Variants in SGMS1 observed in about 807,000 individuals in gnomAD.
SGMS1 encodes sphingomyelin synthase 1, also known as phosphatidylcholine:ceramide cholinephosphotransferase 1.
SGMS1 carries 13 observed loss-of-function variants against 46.2 expected under a neutral mutation model. The ratio of observed to expected loss-of-function variants is 0.28; its 90% CI spans 0.18 to 0.45. SGMS1 has a LOEUF of 0.45. SGMS1 is among the 20% of genes least tolerant of loss of function. The probability of loss-of-function intolerance (pLI) is 1.00; values close to 1 mark genes in which losing one functional copy is unlikely to be tolerated. For synonymous variants in SGMS1, 203 were observed against 187.8 expected, an observed-to-expected ratio of 1.08 and a Z score of -0.66; for missense variants, 324 against 519.9, an observed-to-expected ratio of 0.62 and a Z score of 3.66.
At chr10:50,364,039 A>G (rs1282877569) in intron 6 of SGMS1, among the ~76,000 whole-genome samples, 1 of 152,112 alleles carries the variant, frequency 6.6e-6, no homozygotes, top group African/African-American at 2.4e-5. Flanking sequence ...AATTTTAAAA[A>G]GAGAGCTCCT....
chr10:50,391,612 T>C (rs1032720876), intron 6 of SGMS1, among the ~76,000 whole-genome samples: 7 of 152,136 alleles, frequency 4.6e-5, no homozygotes, highest in Non-Finnish European at 1.0e-4. Flanking sequence ...AGTTTGGTGA[T>C]TTCTCGAAGA....
At chr10:50,353,245 C>T (rs1486063433) in intron 6 of SGMS1, among the ~76,000 whole-genome samples, 2 of 152,290 alleles carry the variant, frequency 1.3e-5, no homozygotes, top group Non-Finnish European at 2.9e-5. Context: ...CCACCATGAT[C>T]AAGTGGGATT....
chr10:50,344,758 A>G (rs1275064783), intron 6 of SGMS1, among the ~76,000 whole-genome samples: 2 of 151,126 alleles, frequency 1.3e-5, no homozygotes, highest in African/African-American at 4.9e-5. Context: ...AGTCCCAGCT[A>G]CTCCTGCCCA....
chr10:50,345,173 C>G (rs936843826), intron 6 of SGMS1, among the ~76,000 whole-genome samples: 1 of 151,694 alleles, frequency 6.6e-6, no homozygotes, highest in African/African-American at 2.4e-5. Context: ...TGCTTAGGTC[C>G]CAAATAGATA....
chr10:50,499,901 G>A (rs574711497), intron 3 of SGMS1, among the ~76,000 whole-genome samples: 1 of 152,302 alleles, frequency 6.6e-6, no homozygotes, highest in South Asian at 2.1e-4. Context: ...TGGCGCAGTG[G>A]CTCACGCCTG....
chr10:50,386,874 AGC>A (rs1848691287), intron 6 of SGMS1, among the ~76,000 whole-genome samples: 1 of 152,188 alleles, frequency 6.6e-6, no homozygotes, highest in Non-Finnish European at 1.5e-5. Context: ...CTATGACCCG[AGC>A]TTTTTAAAAG....
At chr10:50,342,974 A>G (rs1847844234) in intron 7 of SGMS1, 1 of 153,074 alleles carries the variant, frequency 6.5e-6, no homozygotes, top group African/African-American at 2.4e-5. Flanking sequence ...CCAAAGGCAT[A>G]CCCTTTGGTA....
intron 6 of SGMS1, among the ~76,000 whole-genome samples, chr10:50,350,186 G>A (rs1007631917): frequency 2.0e-5 from 3 of 152,192 alleles, no homozygotes; most frequent in Non-Finnish European, 4.4e-5. Flanking sequence ...GAGACCGGAA[G>A]CATTTTGCCC....
At chr10:50,488,440 A>G (rs1837541178) in intron 3 of SGMS1, among the ~76,000 whole-genome samples, 2 of 152,244 alleles carry the variant, frequency 1.3e-5, no homozygotes, top group African/African-American at 4.8e-5. Flanking sequence ...CGATATGCAT[A>G]TAAATCAGAA....
At chr10:50,591,740 A>T (rs1285383380) in intron 1 of SGMS1, among the ~76,000 whole-genome samples, 1 of 152,234 alleles carries the variant, frequency 6.6e-6, no homozygotes, top group Admixed American at 6.5e-5. Flanking sequence ...TCATTTTTAT[A>T]AAACGCAAAA....
chr10:50,531,482 C>T (rs747317577), intron 2 of SGMS1, among the ~76,000 whole-genome samples: 2 of 152,052 alleles, frequency 1.3e-5, no homozygotes, highest in Non-Finnish European at 2.9e-5. Context: ...ACATAATCAC[C>T]CACAAGCTGG....
At chr10:50,560,773 T>C (rs1838229979) in intron 2 of SGMS1, among the ~76,000 whole-genome samples, 1 of 151,818 alleles carries the variant, frequency 6.6e-6, no homozygotes, top group Non-Finnish European at 1.5e-5. Flanking sequence ...ATAGTATACA[T>C]ATAGTTTTGT....
At chr10:50,434,459 G>A (rs1849447405) in intron 5 of SGMS1, among the ~76,000 whole-genome samples, 1 of 152,122 alleles carries the variant, frequency 6.6e-6, no homozygotes, top group African/African-American at 2.4e-5. Context: ...ATTGTGATAT[G>A]GCTCCATGCA....
At chr10:50,355,579 A>G (rs1212621702) in intron 6 of SGMS1, among the ~76,000 whole-genome samples, 2 of 152,110 alleles carry the variant, frequency 1.3e-5, no homozygotes, top group African/African-American at 2.4e-5. Flanking sequence ...TCAGTGCTCA[A>G]TGTTGCCCAG....
At chr10:50,498,137 C>A (rs1490858815) in intron 3 of SGMS1, among the ~76,000 whole-genome samples, 1 of 152,146 alleles carries the variant, frequency 6.6e-6, no homozygotes, top group Non-Finnish European at 1.5e-5. Context: ...AACTCAAGGT[C>A]TCAATGACTT....
chr10:50,543,393 A>G (rs1025229119), intron 2 of SGMS1, among the ~76,000 whole-genome samples: 1 of 152,268 alleles, frequency 6.6e-6, no homozygotes, highest in African/African-American at 2.4e-5. Context: ...GTAGATATAC[A>G]CATTACATAG....
intron 6 of SGMS1, among the ~76,000 whole-genome samples, chr10:50,430,643 C>T (rs1849394279): frequency 6.6e-6 from 1 of 152,132 alleles, no homozygotes; most frequent in South Asian, 2.1e-4. Flanking sequence ...AATATCTAAT[C>T]CACATATCAT....
In SGMS1 at chr10:50,562,337, AGT is replaced by A. The variant is rs758431447; in HGVS notation, c.-589+27814_-589+27815del. Among the ~76,000 whole-genome samples, 1,308 of 132,280 alleles carry A rather than the reference AGT, an allele frequency of 9.9e-3. 21 individuals carry two copies. Among genetic ancestry groups the A allele is most frequent in the East Asian group, 0.03 (132 of 4,462 alleles). The allele number at this position is 132,280 out of a possible 152,430, so 86.8% of individuals were successfully genotyped here. A position where few individuals can be genotyped will look rare whatever the true frequency, so the allele number is the denominator to read the frequency against. On this transcript the variant is annotated intron_variant, in intron 2 of 10. Transcript: ENST00000361781. ...TTACATTTCTGACAAACACTCTCTG[AGT>A]GTGTGTGTGTGTGTGTGCGCGCGCG... is the stretch of plus-strand genomic sequence containing the variant.
chr10:50,417,669 T>C (rs970889616), intron 6 of SGMS1, among the ~76,000 whole-genome samples: 1 of 151,992 alleles, frequency 6.6e-6, no homozygotes, highest in Non-Finnish European at 1.5e-5. Context: ...GGACTGGAGT[T>C]TGAGAAAGTG....
Sources: gnomAD v4.1 joint callset for allele counts (sites outside exome capture counted in the v4.1 genomes callset) on GRCh38, gnomAD v4.1.1 for gene constraint, MANE v1.5 for transcripts, NCBI Gene and HGNC (gene_info 2026-07-23, HGNC 2026-07-21) for gene names.